HS6ST3: variants seen among roughly 807,000 people sequenced by gnomAD.
The protein encoded by HS6ST3 is heparan-sulfate 6-O-sulfotransferase 3.
In HS6ST3, 12 loss-of-function variants were observed where a neutral mutation model predicts 36.7. The observed-to-expected ratio is 0.33, with a 90% CI of 0.21 to 0.53. The LOEUF (loss-of-function observed/expected upper bound fraction) is 0.53, where lower values mean the gene tolerates loss of function less well. HS6ST3 is among the 20% of genes least tolerant of loss of function. The pLI is 0.95. For synonymous variants in HS6ST3, 240 were observed against 257.5 expected (o/e 0.93, Z 0.65); for missense variants, 584 against 640.9 (o/e 0.91, Z 0.96).
intron 1 of HS6ST3, among the ~76,000 whole-genome samples, chr13:96,308,893 G>T (rs894700183): frequency 6.6e-6 from 1 of 152,074 alleles, no homozygotes; most frequent in African/African-American, 2.4e-5. Context: ...GAGTTTTACC[G>T]ATAGGAAATC....
intron 1 of HS6ST3, among the ~76,000 whole-genome samples, chr13:96,522,679 T>G (rs944132341): frequency 2.7e-5 from 4 of 150,198 alleles, no homozygotes; most frequent in Admixed American, 2.7e-4. Flanking sequence ...ACCCCTGCTT[T>G]TGTGTGTGTG....
At chr13:96,549,076 C>T (rs938220388) in intron 1 of HS6ST3, among the ~76,000 whole-genome samples, 4 of 152,192 alleles carry the variant, frequency 2.6e-5, no homozygotes, top group African/African-American at 4.8e-5. Context: ...AGCCATTCCT[C>T]ATACGGTGCA....
At chr13:96,319,279 A>G (rs2054991959) in intron 1 of HS6ST3, among the ~76,000 whole-genome samples, 2 of 152,176 alleles carry the variant, frequency 1.3e-5, no homozygotes, top group Non-Finnish European at 2.9e-5. Flanking sequence ...TTATCACAGT[A>G]TTTATCACAA....
Position 96,598,047 on chromosome 13 carries a change from C to T in HS6ST3, c.708-234443C>T, listed in dbSNP as rs114270176. Among the ~76,000 whole-genome samples the T allele has an allele frequency of 7.8e-3, 1,189 of 152,106 alleles. 16 individuals carry two copies. Among genetic ancestry groups the T allele is most frequent in the African/African-American group, 0.026 (1,093 of 41,500 alleles). ...CCGGTCTCTGTGTCTGCTTTTATAC[C>T]AGTGCCATGCTGTTTTCATTACCAT... is the stretch of plus-strand genomic sequence containing the variant. On this transcript the variant is annotated intron_variant, in intron 1 of 1. Transcript: ENST00000376705.
chr13:96,647,414 A>G (rs2056592388), intron 1 of HS6ST3, among the ~76,000 whole-genome samples: 2 of 152,052 alleles, frequency 1.3e-5, no homozygotes, highest in South Asian at 4.1e-4. Flanking sequence ...TGCACAAAGA[A>G]AAAGCAAATT....
chr13:96,463,898 A>G (rs1289129136), intron 1 of HS6ST3, among the ~76,000 whole-genome samples: 1 of 152,100 alleles, frequency 6.6e-6, no homozygotes, highest in African/African-American at 2.4e-5. Context: ...AAAGCTATCA[A>G]ACTAAAACGT....
chr13:96,556,541 T>G (rs2056241488), intron 1 of HS6ST3, among the ~76,000 whole-genome samples: 1 of 152,180 alleles, frequency 6.6e-6, no homozygotes, highest in Non-Finnish European at 1.5e-5. Flanking sequence ...GGTTTGAAGC[T>G]TTGGCCAGAA....
intron 1 of HS6ST3, among the ~76,000 whole-genome samples, chr13:96,282,193 G>A (rs2054779149): frequency 6.6e-6 from 1 of 152,168 alleles, no homozygotes. Context: ...ATGCAAAGAT[G>A]TGAGAATGTT....
chr13:96,786,698 C>T (rs1877661367), intron 1 of HS6ST3, among the ~76,000 whole-genome samples: 2 of 152,128 alleles, frequency 1.3e-5, no homozygotes, highest in African/African-American at 4.8e-5. Flanking sequence ...GATAATTATA[C>T]ATATGATTGT....
At chr13:96,407,753 A>G (rs1328058) in intron 1 of HS6ST3, among the ~76,000 whole-genome samples, 73,226 of 151,970 alleles carry the variant, frequency 0.48, 18,047 homozygotes, top group Middle Eastern at 0.59. Flanking sequence ...TATTTGAAAA[A>G]TTTGAGAATA....
intron 1 of HS6ST3, among the ~76,000 whole-genome samples, chr13:96,426,911 A>G (rs1283486152): frequency 6.6e-6 from 1 of 152,226 alleles, no homozygotes; most frequent in Non-Finnish European, 1.5e-5. Context: ...TCTGTTCTGT[A>G]TAACATTAAC....
At chr13:96,112,345 C>G (rs984398774) in intron 1 of HS6ST3, among the ~76,000 whole-genome samples, 1 of 151,630 alleles carries the variant, frequency 6.6e-6, no homozygotes, top group Non-Finnish European at 1.5e-5. Flanking sequence ...TAAAATTGGG[C>G]ATATTTATGT....
chr13:96,727,108 A>G (rs1876024552), intron 1 of HS6ST3, among the ~76,000 whole-genome samples: 1 of 152,170 alleles, frequency 6.6e-6, no homozygotes, highest in Admixed American at 6.6e-5. Flanking sequence ...TGTCTGGTTT[A>G]ATACTCTTTA....
chr13:96,754,582 T>C (rs1876778288), intron 1 of HS6ST3, among the ~76,000 whole-genome samples: 1 of 152,308 alleles, frequency 6.6e-6, no homozygotes, highest in South Asian at 2.1e-4. Flanking sequence ...TGTCTTTATT[T>C]AAAAGAAAAG....
At chr13:96,405,703 C>T (rs917182175) in intron 1 of HS6ST3, among the ~76,000 whole-genome samples, 1 of 152,128 alleles carries the variant, frequency 6.6e-6, no homozygotes, top group Non-Finnish European at 1.5e-5. Context: ...CATAGCAGAG[C>T]AAGAATCTTT....
chr13:96,220,819 T>G (rs1028429496), intron 1 of HS6ST3, among the ~76,000 whole-genome samples: 3 of 152,210 alleles, frequency 2.0e-5, no homozygotes, highest in African/African-American at 7.2e-5. Flanking sequence ...TTTTCTCATT[T>G]TTTTAATGCC....
At chr13:96,166,228 C>T (rs2054159589) in intron 1 of HS6ST3, among the ~76,000 whole-genome samples, 1 of 151,838 alleles carries the variant, frequency 6.6e-6, no homozygotes, top group Non-Finnish European at 1.5e-5. Flanking sequence ...TTTTTAAGAG[C>T]TGGAATGGGG....
intron 1 of HS6ST3, among the ~76,000 whole-genome samples, chr13:96,308,265 A>G (rs1481174845): frequency 1.3e-5 from 2 of 152,138 alleles, no homozygotes; most frequent in South Asian, 2.1e-4. Context: ...AGCATTTGCA[A>G]TGATCTTCGA....
At chr13:96,805,863 A>G (rs534974172) in intron 1 of HS6ST3, among the ~76,000 whole-genome samples, 74 of 152,330 alleles carry the variant, frequency 4.9e-4, no homozygotes, top group African/African-American at 1.5e-3. Context: ...TTGTTACTTT[A>G]CATTGATATC....
Sources: allele counts gnomAD v4.1 joint callset (sites outside exome capture counted in the v4.1 genomes callset), GRCh38; gene constraint gnomAD v4.1.1; transcripts MANE v1.5; gene names NCBI Gene and HGNC (gene_info 2026-07-23, HGNC 2026-07-21).